Variants in GNAL observed in about 807,000 individuals in gnomAD.
The protein encoded by GNAL is guanine nucleotide-binding protein G(olf) subunit alpha.
In GNAL, 18 loss-of-function variants were observed where a neutral mutation model predicts 55.1. The observed-to-expected ratio is 0.33, with a 90% CI of 0.23 to 0.48. GNAL has a LOEUF of 0.48. Ranked by LOEUF, GNAL falls within the 20% of genes least tolerant of loss-of-function variation. The pLI is 0.99. For missense variants in GNAL, 412 were observed against 614.1 expected (o/e 0.67, Z 3.48); for synonymous variants, 253 against 237.0 (o/e 1.07, Z -0.62).
At chr18:11,750,330 G>A (rs1051097391) in intron 1 of GNAL, among the ~76,000 whole-genome samples, 30 of 152,162 alleles carry the variant, frequency 2.0e-4, no homozygotes, top group African/African-American at 7.2e-4. Context: ...CTGCGGCACC[G>A]TGGGGGCGGT....
At position 11,722,021 on chromosome 18, in the gene GNAL, GAA is replaced by G. The variant is rs536810060; in HGVS notation, c.377-30831_377-30830del. ...CCTTTGAACTCAGCATTGACTCCTTGAATAAACAGTAACAACTGAGCATCATC... is the reference window on the plus strand; with the variant it reads ...CCTTTGAACTCAGCATTGACTCCTTGTAAACAGTAACAACTGAGCATCATC... On this transcript the variant is annotated intron_variant, in intron 1 of 11. Coordinates refer to ENST00000334049, the MANE Select transcript of GNAL (RefSeq NM_182978.4). Among the ~76,000 whole-genome samples, 775 of 152,266 alleles carry G rather than the reference GAA, an allele frequency of 5.1e-3. 6 individuals are homozygous for G. Among genetic ancestry groups the G allele is most frequent in the African/African-American group, 0.018 (738 of 41,552 alleles).
intron 5 of GNAL, chr18:11,857,422 G>C (rs1271493904): frequency 6.6e-6 from 6 of 903,504 alleles, no homozygotes; most frequent in African/African-American, 1.8e-5. Flanking sequence ...GACTGGAGTG[G>C]AGGGTTCACG....
chr18:11,759,691 A>T (rs550881126), intron 4 of GNAL, among the ~76,000 whole-genome samples: 1 of 152,366 alleles, frequency 6.6e-6, no homozygotes, highest in South Asian at 2.1e-4. Context: ...TGGGCCCTGC[A>T]TAGAGAGCCA....
Position 11,868,776 on chromosome 18 carries a change from C to T in GNAL, c.1031+113C>T, listed in dbSNP as rs1176974896. The T allele has an allele frequency of 1.4e-5, 11 of 806,398 alleles. No homozygotes were observed. Among genetic ancestry groups the T allele is most frequent in the Middle Eastern group, 3.3e-4 (1 of 3,054 alleles). The allele number at this position is 806,398 out of a possible 1,614,324, so 50.0% of individuals were successfully genotyped here. A position where few individuals can be genotyped will look rare whatever the true frequency, so the allele number is the denominator to read the frequency against. On this transcript the variant is annotated intron_variant, in intron 9 of 11. Transcript: ENST00000334049. The surrounding 1 kb of genome is among the most constrained non-coding windows in gnomAD (Gnocchi z 4.0). Reference sequence around the variant, plus strand: ...ACCTGTAATCTCAACACTGGGAGGCCGAGGCAGGTGTGTCACTTGAGCTCA... The same window carrying T: ...ACCTGTAATCTCAACACTGGGAGGCTGAGGCAGGTGTGTCACTTGAGCTCA...
chr18:11,809,166 G>A (rs2034743648), intron 4 of GNAL, among the ~76,000 whole-genome samples: 2 of 152,258 alleles, frequency 1.3e-5, no homozygotes, highest in South Asian at 4.1e-4. Flanking sequence ...TCTGAGGCAG[G>A]AGAATCACTT....
At chr18:11,861,999 A>G (rs528786413) in intron 5 of GNAL, among the ~76,000 whole-genome samples, 12 of 126,690 alleles carry the variant, frequency 9.5e-5, no homozygotes, top group Admixed American at 4.6e-4. Flanking sequence ...CAACATCTGG[A>G]TTTGATTAGG....
chr18:11,776,633 A>G (rs1042556372), intron 4 of GNAL, among the ~76,000 whole-genome samples: 1 of 149,938 alleles, frequency 6.7e-6, no homozygotes, highest in Non-Finnish European at 1.5e-5. Context: ...GCTTGAGCCC[A>G]GGAGTTTGAG....
At chr18:11,862,557 C>G in intron 6 of GNAL, 108 bp downstream of exon 6, 3 of 942,604 alleles carry the variant, frequency 3.2e-6, no homozygotes, top group Non-Finnish European at 5.1e-6. Flanking sequence ...CTTAAGATAC[C>G]TACTTTTTGC....
intron 4 of GNAL, among the ~76,000 whole-genome samples, chr18:11,801,243 A>G (rs531475037): frequency 1.3e-5 from 2 of 152,352 alleles, no homozygotes; most frequent in South Asian, 2.1e-4. Context: ...TGAATGAAAC[A>G]TAATAAATCA....
At position 11,695,485 on chromosome 18, in the gene GNAL, G is replaced by A. The variant is rs74437835; in HGVS notation, c.376+5546G>A. Among the ~76,000 whole-genome samples, 1,431 of 152,258 alleles carry A rather than the reference G, an allele frequency of 9.4e-3. 23 individuals carry two copies. The highest frequency in any genetic ancestry group is 0.033 in the African/African-American group (1,383 of 41,538). On this transcript the variant is annotated intron_variant, in intron 1 of 11. Transcript: ENST00000334049. The stretch of plus-strand genomic sequence containing the variant: ...TTAATCTGCCAAATGAACACATATA[G>A]CAAACAAAGCTGTGTTCACCATTCT...
At chr18:11,864,684 G>A (rs2036220758) in intron 7 of GNAL, 78 bp downstream of exon 7, 6 of 822,216 alleles carry the variant, frequency 7.3e-6, no homozygotes, top group Non-Finnish European at 1.3e-5. Flanking sequence ...GTTTAAGGGG[G>A]CTTCATTCCT....
chr18:11,859,939 G>C (rs189551265), intron 5 of GNAL, among the ~76,000 whole-genome samples: 1 of 152,100 alleles, frequency 6.6e-6, no homozygotes, highest in Non-Finnish European at 1.5e-5. Flanking sequence ...GTAGAGACAG[G>C]GTTTCACAAT....
chr18:11,696,747 C>T (rs1005077984), intron 1 of GNAL, among the ~76,000 whole-genome samples: 4 of 152,182 alleles, frequency 2.6e-5, no homozygotes, highest in South Asian at 2.1e-4. Flanking sequence ...CAAAAATGCT[C>T]TCTTGGACTT....
chr18:11,808,025 CTTTTT>C (rs111276081), intron 4 of GNAL, among the ~76,000 whole-genome samples: 2 of 144,288 alleles, frequency 1.4e-5, no homozygotes, highest in East Asian at 2.0e-4. Flanking sequence ...GCCCAGCCTT[CTTTTT>C]TTTTTTTTTT....
intron 1 of GNAL, among the ~76,000 whole-genome samples, chr18:11,702,723 A>G (rs1218531202): frequency 6.6e-6 from 1 of 151,876 alleles, no homozygotes; most frequent in Non-Finnish European, 1.5e-5. Context: ...AAATACATCC[A>G]TGCAGGTACA....
chr18:11,724,548 G>A (rs1362727954), intron 1 of GNAL, among the ~76,000 whole-genome samples: 1 of 152,146 alleles, frequency 6.6e-6, no homozygotes, highest in Non-Finnish European at 1.5e-5. Flanking sequence ...TTCCTCTGTC[G>A]ACCGATCGTA....
intron 1 of GNAL, among the ~76,000 whole-genome samples, chr18:11,728,972 A>C (rs936891440): frequency 1.4e-4 from 22 of 152,312 alleles, no homozygotes; most frequent in African/African-American, 5.3e-4. Flanking sequence ...GGGATGGACG[A>C]GTTAGTACTG....
chr18:11,717,388 C>T (rs959731640), intron 1 of GNAL, among the ~76,000 whole-genome samples: 21 of 152,232 alleles, frequency 1.4e-4, no homozygotes, highest in Non-Finnish European at 2.2e-4. Context: ...CCTCAAGTGC[C>T]GCCAAAGTGG....
At chr18:11,797,078 T>C (rs748719404) in intron 4 of GNAL, among the ~76,000 whole-genome samples, 4 of 152,046 alleles carry the variant, frequency 2.6e-5, no homozygotes, top group Non-Finnish European at 5.9e-5. Flanking sequence ...CAAGGGATTA[T>C]CCCACTAGGC....
Sources: allele counts gnomAD v4.1 joint callset (sites outside exome capture counted in the v4.1 genomes callset), GRCh38; gene constraint gnomAD v4.1.1; non-coding constraint Gnocchi (gnomAD v3.1); transcripts MANE v1.5; gene names NCBI Gene and HGNC (gene_info 2026-07-23, HGNC 2026-07-21).